Variants in NXPE2 observed in about 807,000 individuals in gnomAD.
NXPE2 encodes neurexophilin and PC-esterase domain family member 2, also known as NXPE family member 2.
In NXPE2, 34 loss-of-function variants were observed where a neutral mutation model predicts 34.4. That is an observed-to-expected ratio of 0.99 (90% CI 0.75 to 1.31). The LOEUF (loss-of-function observed/expected upper bound fraction) is 1.31. Among genes scored for constraint, NXPE2 ranks in the 40% most tolerant of loss-of-function variants. NXPE2 has a pLI of 0.00. For synonymous variants in NXPE2, 235 were observed against 231.3 expected (o/e 1.02, Z -0.15); for missense variants, 649 against 672.5 (o/e 0.97, Z 0.39).
the NXPE2 span, among the ~76,000 whole-genome samples, chr11:114,797,537 T>C: frequency 6.6e-6 from 1 of 152,186 alleles, no homozygotes; most frequent in Admixed American, 6.5e-5. Flanking sequence ...CCTGTATTTA[T>C]GGCACGTGGA....
the NXPE2 span, among the ~76,000 whole-genome samples, chr11:114,725,619 C>G: frequency 6.6e-6 from 1 of 152,006 alleles, no homozygotes. Flanking sequence ...CTCTCTCACC[C>G]TTTCTCTCTC....
At chr11:114,675,493 A>AT (rs1950848401), upstream of NXPE2, among the ~76,000 whole-genome samples, 1 of 151,822 alleles carries the variant, frequency 6.6e-6, no homozygotes, top group South Asian at 2.1e-4. Flanking sequence ...AAATACATAG[A>AT]TTTTCTATAC....
chr11:114,635,865 G>A, the NXPE2 span, among the ~76,000 whole-genome samples: 2 of 152,024 alleles, frequency 1.3e-5, no homozygotes, highest in Non-Finnish European at 2.9e-5. Context: ...TATTCGGTTT[G>A]CCAGTATTTT....
the NXPE2 span, among the ~76,000 whole-genome samples, chr11:114,564,992 A>AT: frequency 6.6e-6 from 1 of 152,204 alleles, no homozygotes; most frequent in Non-Finnish European, 1.5e-5. Flanking sequence ...AAGCATGCCA[A>AT]GCCTTTTCCA....
the NXPE2 span, among the ~76,000 whole-genome samples, chr11:114,662,070 C>T: frequency 6.6e-6 from 1 of 152,148 alleles, no homozygotes; most frequent in Non-Finnish European, 1.5e-5. Context: ...ACAAAAGAAG[C>T]ACTTTTATAA....
chr11:114,512,508 A>G, the NXPE2 span, among the ~76,000 whole-genome samples: 1 of 152,034 alleles, frequency 6.6e-6, no homozygotes, highest in Non-Finnish European at 1.5e-5. Context: ...GTGATGCTGC[A>G]CTCTGGGGCT....
chr11:114,600,220 G>C, the NXPE2 span, among the ~76,000 whole-genome samples: 151 of 152,244 alleles, frequency 9.9e-4, no homozygotes, highest in Non-Finnish European at 1.5e-3. Flanking sequence ...ATGAACATCT[G>C]CTTACCCAAG....
At chr11:114,610,480 C>A in the NXPE2 span, among the ~76,000 whole-genome samples, 19 of 151,990 alleles carry the variant, frequency 1.3e-4, no homozygotes, top group African/African-American at 4.6e-4. Flanking sequence ...AGGGTAACCA[C>A]TGTTACCCAG....
At chr11:114,489,970 G>A in the NXPE2 span, among the ~76,000 whole-genome samples, 1 of 152,146 alleles carries the variant, frequency 6.6e-6, no homozygotes, top group East Asian at 1.9e-4. Flanking sequence ...CGTCGTCTCA[G>A]CCCAAAATCT....
chr11:114,498,903 A>G, the NXPE2 span, among the ~76,000 whole-genome samples: 1 of 152,164 alleles, frequency 6.6e-6, no homozygotes, highest in Non-Finnish European at 1.5e-5. Context: ...GGTTTGAGAA[A>G]ATGAATTGGA....
chr11:114,604,230 G>T, the NXPE2 span, among the ~76,000 whole-genome samples: 1 of 152,086 alleles, frequency 6.6e-6, no homozygotes, highest in East Asian at 1.9e-4. Context: ...ACTGTTACCC[G>T]GTTTATAATA....
chr11:114,512,557 A>G, the NXPE2 span: 2 of 152,294 alleles, frequency 1.3e-5, no homozygotes, highest in African/African-American at 4.8e-5. Context: ...GGCTTAAAGG[A>G]CTAAAGAGAG....
the NXPE2 span, among the ~76,000 whole-genome samples, chr11:114,491,270 G>A: frequency 1.3e-5 from 2 of 151,090 alleles, no homozygotes; most frequent in African/African-American, 4.9e-5. Context: ...CTCATCTGAC[G>A]AAGGGCTAAT....
At chr11:114,639,193 C>T in the NXPE2 span, among the ~76,000 whole-genome samples, 1 of 152,028 alleles carries the variant, frequency 6.6e-6, no homozygotes, top group African/African-American at 2.4e-5. Flanking sequence ...CCCCCAGCCT[C>T]ACTGCCGCCT....
At chr11:114,528,675 A>T in the NXPE2 span, 1 of 454,030 alleles carries the variant, frequency 2.2e-6, no homozygotes, top group Non-Finnish European at 4.0e-6. Flanking sequence ...TCCTGCTTGA[A>T]AGCTCTTACT....
chr11:114,484,983 A>T, the NXPE2 span, among the ~76,000 whole-genome samples: 2 of 152,192 alleles, frequency 1.3e-5, no homozygotes, highest in African/African-American at 4.8e-5. Context: ...CTAAATGGGA[A>T]TAACTCTTCC....
the NXPE2 span, among the ~76,000 whole-genome samples, chr11:114,650,835 G>C: frequency 2.7e-5 from 4 of 147,074 alleles, no homozygotes; most frequent in Non-Finnish European, 6.1e-5. Flanking sequence ...GCTGGACCCG[G>C]AAAACAGAGT....
the NXPE2 span, among the ~76,000 whole-genome samples, chr11:114,631,474 G>A: frequency 4.3e-5 from 6 of 139,932 alleles, no homozygotes; most frequent in African/African-American, 1.1e-4. Context: ...ACTGAAAAAT[G>A]AGAACACATG....
the NXPE2 span, among the ~76,000 whole-genome samples, chr11:114,667,513 A>G: frequency 6.6e-6 from 1 of 152,088 alleles, no homozygotes; most frequent in South Asian, 2.1e-4. Flanking sequence ...GTAATAATGG[A>G]TTTGTCTTGC....
Sources: allele counts gnomAD v4.1 joint callset (sites outside exome capture counted in the v4.1 genomes callset), GRCh38; gene constraint gnomAD v4.1.1; transcripts MANE v1.5; gene names NCBI Gene and HGNC (gene_info 2026-07-23, HGNC 2026-07-21).